The following ISOC1 variants were observed in gnomAD, a reference collection of about 807,000 sequenced individuals.
ISOC1 encodes the protein isochorismatase domain-containing protein 1.
ISOC1 carries 33 observed loss-of-function variants against 30.0 expected under a neutral mutation model. That is an observed-to-expected ratio of 1.10 (90% CI 0.83 to 1.47). The LOEUF is 1.47. Among genes scored for constraint, ISOC1 ranks in the 40% most tolerant of loss-of-function variants. The probability of loss-of-function intolerance (pLI) is 0.00; values close to 1 mark genes in which losing one functional copy is unlikely to be tolerated. For synonymous variants in ISOC1, 178 were observed against 159.8 expected (o/e 1.11, Z -0.86); for missense variants, 372 against 388.0 (o/e 0.96, Z 0.35).
intron 4 of ISOC1, among the ~76,000 whole-genome samples, chr5:129,111,471 T>C (rs1206588685): frequency 6.6e-6 from 1 of 152,138 alleles, no homozygotes; most frequent in African/African-American, 2.4e-5. Context: ...TGTACAGCCA[T>C]TGAAGGAAGA....
intron 1 of ISOC1, among the ~76,000 whole-genome samples, chr5:129,101,411 G>A (rs113817553): frequency 1.3e-5 from 2 of 151,714 alleles, no homozygotes; most frequent in African/African-American, 2.4e-5. Flanking sequence ...CACAAGAATC[G>A]CTTGAACCAG....
intron 4 of ISOC1, among the ~76,000 whole-genome samples, chr5:129,110,628 C>T (rs1232224806): frequency 6.6e-6 from 1 of 151,734 alleles, no homozygotes; most frequent in Non-Finnish European, 1.5e-5. Context: ...CTGTGATGTA[C>T]ACTTCCCACT....
chr5:129,095,834 C>G (rs573109561), intron 1 of ISOC1, among the ~76,000 whole-genome samples: 2 of 152,180 alleles, frequency 1.3e-5, no homozygotes, highest in African/African-American at 4.8e-5. Context: ...TTAAGCTGTG[C>G]TCTCATGCTA....
intron 1 of ISOC1, among the ~76,000 whole-genome samples, chr5:129,095,511 T>C (rs1753485492): frequency 6.6e-6 from 1 of 152,158 alleles, no homozygotes; most frequent in East Asian, 1.9e-4. Context: ...GGTTTGTTCC[T>C]AGAGTTGTGT....
chr5:129,107,269 A>G (rs1490342661), intron 4 of ISOC1, among the ~76,000 whole-genome samples: 2 of 152,170 alleles, frequency 1.3e-5, no homozygotes, highest in African/African-American at 4.8e-5. Context: ...TCCTTAGATC[A>G]AGGTTTCTAG....
chr5:129,101,161 C>CAAAAAAAAAAA (rs1156603818), intron 1 of ISOC1, among the ~76,000 whole-genome samples: 7 of 19,506 alleles, frequency 3.6e-4, no homozygotes, highest in Admixed American at 1.1e-3. Flanking sequence ...CTCAGCTAAT[C>CAAAAAAAAAAA]AAAAAAAAAA....
intron 1 of ISOC1, among the ~76,000 whole-genome samples, chr5:129,098,486 A>AT (rs1312441146): frequency 6.6e-6 from 1 of 152,188 alleles, no homozygotes; most frequent in Non-Finnish European, 1.5e-5. Flanking sequence ...AAAAGTTTTA[A>AT]TTTTTCAAAA....
Position 129,104,950 on chromosome 5 carries a change from C to T in ISOC1, c.310-6C>T. The T allele has an allele frequency of 6.2e-7, 1 of 1,607,016 alleles. No individual in the cohort carries two copies. Among genetic ancestry groups the T allele is most frequent in the African/African-American group, 1.3e-5 (1 of 74,456 alleles). On this transcript the variant is annotated splice_region_variant and splice_polypyrimidine_tract_variant and intron_variant, in intron 1 of 4. Coordinates refer to ENST00000173527, the MANE Select transcript of ISOC1 (RefSeq NM_016048.2). ...TGCTAAATCATTCTTTTTCTTTTTT[C>T]CTCAGCTCACTACCCTGGGAAATCT...
At chr5:129,098,347 T>C (rs1349948344) in intron 1 of ISOC1, among the ~76,000 whole-genome samples, 1 of 152,224 alleles carries the variant, frequency 6.6e-6, no homozygotes, top group Non-Finnish European at 1.5e-5. Context: ...AAGGCATAGC[T>C]CATGTTTCAT....
rs1580786245 is a variant in ISOC1 at position 129,099,440 on chromosome 5, T to C, written c.309+4365T>C. ...TAACCTTATGCCAGTGACATCAATG[T>C]TCACAATAGGTGAATATGTTGTAAA... On this transcript the variant is annotated intron_variant, in intron 1 of 4. Transcript: ENST00000173527. Among the ~76,000 whole-genome samples, 3 of 152,210 alleles carry C rather than the reference T, an allele frequency of 2.0e-5. No individual in the cohort carries two copies. The East Asian group carries it at 5.8e-4, about 29-fold the overall frequency.
intron 4 of ISOC1, among the ~76,000 whole-genome samples, chr5:129,110,207 T>G (rs1753688092): frequency 6.6e-6 from 1 of 152,180 alleles, no homozygotes; most frequent in South Asian, 2.1e-4. Flanking sequence ...ATCCTTCTTT[T>G]CCTTTGGCCT....
At position 129,095,116 on chromosome 5, in the gene ISOC1, T is replaced by TCGTCCC. The variant is rs772785880; in HGVS notation, c.309+54_309+59dup. 4.8e-4 allele frequency: 713 copies of TCGTCCC among 1,495,252 alleles called. 2 individuals are homozygous for TCGTCCC. The Middle Eastern group carries it at 7.2e-3, about 15-fold the overall frequency. The allele number at this position is 1,495,252 out of a possible 1,614,324, so 92.6% of individuals were successfully genotyped here. A position where few individuals can be genotyped will look rare whatever the true frequency, so the allele number is the denominator to read the frequency against. On this transcript the variant is annotated intron_variant, in intron 1 of 4. Transcript: ENST00000173527. Reference sequence around the variant, plus strand: ...GGCCGCGCGCTTCCCTGTTCCCGAGTCGTCCCCGTCCCCGTCCCTGTCCCC... The same window carrying TCGTCCC: ...GGCCGCGCGCTTCCCTGTTCCCGAGTCGTCCCCGTCCCCGTCCCCGTCCCTGTCCCC...
rs749930988 is a variant in ISOC1, at chr5:129,107,045, A to T, written c.733A>T (p.Arg245Trp). The change falls in exon 4 of 5, where the codon AGG becomes TGG. Residue 245 changes from arginine to tryptophan, a missense_variant. By Grantham distance (101) the Arg-to-Trp change is moderately radical. Coordinates refer to ENST00000173527, the MANE Select transcript of ISOC1 (RefSeq NM_016048.2). ...DATSSRSMMD[R>W]MFALERLART... ...CACCTCATCAAGAAGCATGATGGAC[A>T]GGATGTTTGCCCTCGAGGTAATTGT... 5 of 1,613,404 alleles carry T rather than the reference A, an allele frequency of 3.1e-6. No homozygotes were observed. The highest frequency in any genetic ancestry group is 4.2e-6 in the Non-Finnish European group (5 of 1,179,424).
At chr5:129,109,175 T>C (rs1561423689) in intron 4 of ISOC1, among the ~76,000 whole-genome samples, 1 of 152,220 alleles carries the variant, frequency 6.6e-6, no homozygotes, top group Non-Finnish European at 1.5e-5. Flanking sequence ...ACCATTCTTT[T>C]TAGAGGCAAT....
At chr5:129,106,766 A>G (rs1011543990) in intron 3 of ISOC1, among the ~76,000 whole-genome samples, 180 bp from the exon 4 acceptor site, 2 of 152,212 alleles carry the variant, frequency 1.3e-5, no homozygotes, top group African/African-American at 4.8e-5. Context: ...TGAATAAACC[A>G]AAGCCAGAGA....
chr5:129,109,753 A>G (rs3798117), intron 4 of ISOC1, among the ~76,000 whole-genome samples: 110,253 of 152,114 alleles, frequency 0.72, 41,290 homozygotes, highest in African/African-American at 0.91. Context: ...AATTTGAGGA[A>G]GGGGGCAATG....
intron 1 of ISOC1, among the ~76,000 whole-genome samples, chr5:129,101,238 G>A (rs1477221421): frequency 1.5e-5 from 2 of 133,988 alleles, no homozygotes; most frequent in African/African-American, 5.8e-5. Flanking sequence ...GTTCACACCT[G>A]TAATCCCAGC....
In ISOC1 at chr5:129,111,745, C is replaced by T. The variant is rs573404901; in HGVS notation, c.751-1110C>T. Among the ~76,000 whole-genome samples, 3 of 152,202 alleles carry T rather than the reference C, an allele frequency of 2.0e-5. No homozygotes were observed. In the South Asian group the frequency reaches 6.2e-4, roughly 32 times the overall value. ...CCCCCGACTTTCTGTTCTTTGCTCTCTTCCTTCCCTTCTTTCCCCTTTGCC... is the reference window on the plus strand; with the variant it reads ...CCCCCGACTTTCTGTTCTTTGCTCTTTTCCTTCCCTTCTTTCCCCTTTGCC... On this transcript the variant is annotated intron_variant, in intron 4 of 4. Transcript: ENST00000173527.
chr5:129,101,019 TTTTG>T (rs5871338), intron 1 of ISOC1, among the ~76,000 whole-genome samples: 77 of 144,606 alleles, frequency 5.3e-4, no homozygotes, highest in Middle Eastern at 3.6e-3. Context: ...TCCCTATTGT[TTTTG>T]TTTGTTTGTT....
Sources: allele counts gnomAD v4.1 joint callset (sites outside exome capture counted in the v4.1 genomes callset), GRCh38; gene constraint gnomAD v4.1.1; transcripts MANE v1.5; gene names NCBI Gene and HGNC (gene_info 2026-07-23, HGNC 2026-07-21).